The following CCL17 variants were observed in gnomAD, a reference collection of about 807,000 sequenced individuals.
CCL17 encodes C-C motif chemokine ligand 17.
Under a neutral mutation model 7.4 loss-of-function variants are expected in CCL17, and 8 were observed. The observed-to-expected ratio is 1.09, with a 90% CI of 0.64 to 1.96. The LOEUF (loss-of-function observed/expected upper bound fraction) is 1.96, where lower values mean the gene tolerates loss of function less well. Ranked by LOEUF, CCL17 falls within the 30% of genes most tolerant of loss-of-function variation. The probability of loss-of-function intolerance (pLI) is 0.00; values close to 1 mark genes in which losing one functional copy is unlikely to be tolerated. For synonymous variants in CCL17, 40 were observed against 46.1 expected (o/e 0.87, Z 0.54); for missense variants, 102 against 113.0 (o/e 0.90, Z 0.44).
At chr16:57,414,245 C>G (rs1215183725) in intron 2 of CCL17, among the ~76,000 whole-genome samples, 2 of 151,888 alleles carry the variant, frequency 1.3e-5, no homozygotes, top group Non-Finnish European at 2.9e-5. Flanking sequence ...ACATCTTGGG[C>G]TGCAATGGCC....
At chr16:57,411,242 C>G (rs778724190) in intron 1 of CCL17, among the ~76,000 whole-genome samples, 2 of 152,180 alleles carry the variant, frequency 1.3e-5, no homozygotes, top group Non-Finnish European at 2.9e-5. Flanking sequence ...CCTGTTCCCC[C>G]GCCCTTACCC....
chr16:57,414,840 A>G (rs1400982092), intron 2 of CCL17, among the ~76,000 whole-genome samples: 6 of 151,968 alleles, frequency 3.9e-5, no homozygotes, highest in Non-Finnish European at 8.8e-5. Context: ...CAGACACACA[A>G]AACATGCACA....
At chr16:57,414,687 G>A (rs1276138875) in intron 2 of CCL17, among the ~76,000 whole-genome samples, 1 of 152,064 alleles carries the variant, frequency 6.6e-6, no homozygotes, top group Non-Finnish European at 1.5e-5. Context: ...ATGAGCCACG[G>A]CGCCCAGACT....
chr16:57,407,017 TAAATCACA>T (rs1396360932), intron 1 of CCL17, among the ~76,000 whole-genome samples: 21 of 152,076 alleles, frequency 1.4e-4, no homozygotes, highest in Non-Finnish European at 2.9e-5. Context: ...GAGGATTAAT[TAAATCACA>T]AGTGGGCAGA....
rs549183061 is a variant in CCL17, at chr16:57,414,102, C to T, written c.70+100C>T. The T allele has an allele frequency of 4.8e-6, 4 of 835,790 alleles. No individual in the cohort carries two copies. The East Asian group carries it at 1.1e-4, about 23-fold the overall frequency. 51.8% of individuals were successfully genotyped at this position (835,790 alleles called of 1,614,324 possible). ...AATACACACGTTTGTGTATTATTTA[C>T]ACCCCACCTACTCCCACAAAAGACG... On this transcript the variant is annotated intron_variant, in intron 2 of 3. Coordinates refer to ENST00000219244, the MANE Select transcript of CCL17 (RefSeq NM_002987.3).
upstream of CCL17, among the ~76,000 whole-genome samples, chr16:57,400,051 G>GT (rs1336979373): frequency 1.3e-5 from 2 of 152,152 alleles, no homozygotes; most frequent in African/African-American, 2.4e-5. Context: ...GAGAAGAAAT[G>GT]TAACAATGTA....
chr16:57,410,267 C>T (rs1432474855), intron 1 of CCL17, among the ~76,000 whole-genome samples: 1 of 152,198 alleles, frequency 6.6e-6, no homozygotes, highest in African/African-American at 2.4e-5. Flanking sequence ...CTGCCTGGCC[C>T]AGTGCCCTCT....
rs773959089 is a variant in CCL17, at chr16:57,413,901, A to T, written c.-32A>T. ...TGTCTCCCTGAGCAGAGGGACCTGC[A>T]CACAGAGACTCCCTCCTGGGCTCCT... is the stretch of plus-strand genomic sequence containing the variant. On this transcript the variant is annotated 5_prime_UTR_variant, in exon 2 of 4. Coordinates refer to ENST00000219244, the MANE Select transcript of CCL17 (RefSeq NM_002987.3). The T allele has an allele frequency of 1.9e-6, 3 of 1,580,742 alleles. No homozygotes were observed. Among genetic ancestry groups the T allele is most frequent in the Middle Eastern group, 1.7e-4 (1 of 5,982 alleles).
At chr16:57,396,464 G>C in the CCL17 span, among the ~76,000 whole-genome samples, 1 of 152,178 alleles carries the variant, frequency 6.6e-6, no homozygotes, top group Non-Finnish European at 1.5e-5. Flanking sequence ...GGAGCAAACT[G>C]AGTGGCTCCC....
chr16:57,415,337 C>T lies in CCL17; in HGVS notation c.188+139C>T. ...CCCCAACCCCTGCAGGCTCCCCACA[C>T]TGTGGGACCCAAAAGGGCCGCAGGC... On this transcript the variant is annotated intron_variant, in intron 3 of 3. Transcript: ENST00000219244. This position sits in a 1 kb window ranked among gnomAD's most constrained non-coding sequence, Gnocchi z 4.5. The T allele has an allele frequency of 1.5e-6, 1 of 655,350 alleles. No individual in the cohort carries two copies. The highest frequency in any genetic ancestry group is 1.7e-5 in the South Asian group (1 of 57,484). The allele number at this position is 655,350 out of a possible 1,614,324, so 40.6% of individuals were successfully genotyped here. A position where few individuals can be genotyped will look rare whatever the true frequency, so the allele number is the denominator to read the frequency against.
At chr16:57,402,126 T>G (rs1598008060), upstream of CCL17, among the ~76,000 whole-genome samples, 1 of 152,238 alleles carries the variant, frequency 6.6e-6, no homozygotes, top group South Asian at 2.1e-4. Flanking sequence ...GGTTCTTCCC[T>G]GCAAAGGGCT....
chr16:57,415,617 G>C lies in CCL17; in HGVS notation c.189-148G>C. 1.6e-6 allele frequency: 1 copy of C among 623,108 alleles called. No individual in the cohort carries two copies. Among genetic ancestry groups the C allele is most frequent in the Non-Finnish European group, 2.9e-6 (1 of 342,862 alleles). The allele number at this position is 623,108 out of a possible 1,614,324, so 38.6% of individuals were successfully genotyped here. A position where few individuals can be genotyped will look rare whatever the true frequency, so the allele number is the denominator to read the frequency against. ...ACTCGGGACAGAGCCTGAAGTCCCA[G>C]ATCTGCCACCAATGCCCTGTGTGAC... On this transcript the variant is annotated intron_variant, in intron 3 of 3. Coordinates refer to ENST00000219244, the MANE Select transcript of CCL17 (RefSeq NM_002987.3). This position sits in a 1 kb window ranked among gnomAD's most constrained non-coding sequence, Gnocchi z 4.5.
upstream of CCL17, among the ~76,000 whole-genome samples, chr16:57,401,043 C>CCTT (rs10680121): frequency 0.17 from 26,124 of 150,768 alleles, 3,744 homozygotes; most frequent in African/African-American, 0.4. Flanking sequence ...CTCCAGACAC[C>CCTT]CTTCTTCTTC....
chr16:57,402,386 T>C (rs1401998703), upstream of CCL17, among the ~76,000 whole-genome samples: 1 of 152,228 alleles, frequency 6.6e-6, no homozygotes, highest in Admixed American at 6.5e-5. Context: ...CTTCCCAGGA[T>C]GCTGGGTGCT....
chr16:57,408,618 G>A (rs1902736188), intron 1 of CCL17, among the ~76,000 whole-genome samples: 2 of 152,006 alleles, frequency 1.3e-5, no homozygotes, highest in South Asian at 4.2e-4. Flanking sequence ...GCCCAGGAGG[G>A]AGTGCAGTGG....
At chr16:57,400,906 T>A (rs1232626685), upstream of CCL17, among the ~76,000 whole-genome samples, 1 of 151,244 alleles carries the variant, frequency 6.6e-6, no homozygotes, top group Non-Finnish European at 1.5e-5. Flanking sequence ...AGACAGAAGT[T>A]GCAGTGAGTC....
chr16:57,400,151 A>T (rs1442263287), upstream of CCL17, among the ~76,000 whole-genome samples: 1 of 152,020 alleles, frequency 6.6e-6, no homozygotes, highest in African/African-American at 2.4e-5. Context: ...CGAGGTCAGG[A>T]GATCGAGACC....
chr16:57,415,682 G>A lies in CCL17; in HGVS notation c.189-83G>A. On this transcript the variant is annotated intron_variant, in intron 3 of 3. Transcript: ENST00000219244. The surrounding 1 kb of genome is among the most constrained non-coding windows in gnomAD (Gnocchi z 4.5). ...GCCCCTCTTGGAGCCTTGGAATCCTGGTCAGCACAGGGCGGGCCGTCCCAG... is the reference window on the plus strand; with the variant it reads ...GCCCCTCTTGGAGCCTTGGAATCCTAGTCAGCACAGGGCGGGCCGTCCCAG... 1.2e-6 allele frequency: 1 copy of A among 854,846 alleles called. No homozygotes were observed. The highest frequency in any genetic ancestry group is 2.0e-6 in the Non-Finnish European group (1 of 499,034). The allele number at this position is 854,846 out of a possible 1,614,324, so 53.0% of individuals were successfully genotyped here. A position where few individuals can be genotyped will look rare whatever the true frequency, so the allele number is the denominator to read the frequency against.
chr16:57,408,007 A>C (rs1229608330), intron 1 of CCL17, among the ~76,000 whole-genome samples: 3 of 150,266 alleles, frequency 2.0e-5, no homozygotes, highest in African/African-American at 7.4e-5. Flanking sequence ...CCATCCCTCC[A>C]TCCATCCATC....
Sources: allele counts gnomAD v4.1 joint callset (sites outside exome capture counted in the v4.1 genomes callset), GRCh38; gene constraint gnomAD v4.1.1; non-coding constraint Gnocchi (gnomAD v3.1); transcripts MANE v1.5; gene names NCBI Gene and HGNC (gene_info 2026-07-23, HGNC 2026-07-21).